Variants in NRG1 observed in about 807,000 individuals in gnomAD.
The protein encoded by NRG1 is neuregulin 1.
NRG1 carries 18 observed loss-of-function variants against 63.8 expected under a neutral mutation model. The ratio of observed to expected loss-of-function variants is 0.28; its 90% CI spans 0.19 to 0.42. NRG1 has a LOEUF of 0.42. Among genes scored for constraint, NRG1 ranks in the 10% least tolerant of loss-of-function variants. NRG1 has a pLI of 1.00. For synonymous variants in NRG1, 302 were observed against 301.3 expected (o/e 1.00, Z -0.02); for missense variants, 762 against 814.7 (o/e 0.94, Z 0.79).
At chr8:31,654,322 G>T (rs1325684247) in intron 1 of NRG1, among the ~76,000 whole-genome samples, 4 of 152,184 alleles carry the variant, frequency 2.6e-5, no homozygotes, top group African/African-American at 7.2e-5. Flanking sequence ...TTCATCCCAG[G>T]TGAATAGAGA....
At chr8:31,727,093 A>G (rs184925353) in intron 1 of NRG1, among the ~76,000 whole-genome samples, 1 of 152,248 alleles carries the variant, frequency 6.6e-6, no homozygotes, top group East Asian at 1.9e-4. Flanking sequence ...TGTTTCTTAA[A>G]CATGTACGGA....
intron 1 of NRG1, among the ~76,000 whole-genome samples, chr8:32,565,442 G>T (rs1256312765): frequency 6.6e-6 from 1 of 152,090 alleles, no homozygotes; most frequent in Admixed American, 6.6e-5. Flanking sequence ...CTAAAAGTAC[G>T]TTGGACCTTC....
intron 1 of NRG1, among the ~76,000 whole-genome samples, chr8:32,573,291 G>A (rs1182422588): frequency 6.6e-6 from 1 of 152,192 alleles, no homozygotes; most frequent in African/African-American, 2.4e-5. Context: ...AAACATTTCT[G>A]TAGAGACCCA....
intron 1 of NRG1, among the ~76,000 whole-genome samples, chr8:31,887,454 T>C (rs1830809412): frequency 6.6e-6 from 1 of 152,120 alleles, no homozygotes; most frequent in African/African-American, 2.4e-5. Flanking sequence ...GGTGTGGATA[T>C]TCTTAGAGTG....
chr8:31,818,042 C>A (rs1490051043), intron 1 of NRG1, among the ~76,000 whole-genome samples: 1 of 151,998 alleles, frequency 6.6e-6, no homozygotes, highest in Non-Finnish European at 1.5e-5. Flanking sequence ...TTTGCTGTTG[C>A]TACTTTTGTG....
chr8:32,105,186 G>A (rs535569316), intron 1 of NRG1, among the ~76,000 whole-genome samples: 1 of 152,214 alleles, frequency 6.6e-6, no homozygotes, highest in South Asian at 2.1e-4. Flanking sequence ...TAACCTTATA[G>A]GTCCACATCA....
At chr8:32,623,209 A>G (rs984651911) in intron 5 of NRG1, among the ~76,000 whole-genome samples, 5 of 152,202 alleles carry the variant, frequency 3.3e-5, no homozygotes, top group African/African-American at 1.2e-4. Flanking sequence ...ACTAATATGT[A>G]TTGATTAGAT....
At chr8:32,337,644 G>C (rs576043468) in intron 1 of NRG1, among the ~76,000 whole-genome samples, 1 of 12,372 alleles carries the variant, frequency 8.1e-5, no homozygotes, top group African/African-American at 2.8e-4. Context: ...GGAACAAAAA[G>C]AGTTATTGCA....
At chr8:32,543,451 T>G (rs1832768713), upstream of NRG1, among the ~76,000 whole-genome samples, 1 of 152,128 alleles carries the variant, frequency 6.6e-6, no homozygotes, top group South Asian at 2.1e-4. Context: ...GGGATGGTAT[T>G]CTTCTTATAA....
chr8:32,731,805 A>G lies in NRG1; in HGVS notation c.632+3727A>G, dbSNP rs1212093935. On this transcript the variant is annotated intron_variant, in intron 6 of 11. Transcript: ENST00000356819. ...GCATTGGCTCATCATGGTCCTGTCT[A>G]TGAAGCCAGTTCATAGTTTCCATAT... Among the ~76,000 whole-genome samples the G allele has an allele frequency of 2.6e-5, 4 of 152,186 alleles. No individual in the cohort carries two copies. In the South Asian group the frequency reaches 8.3e-4, roughly 31 times the overall value.
intron 1 of NRG1, among the ~76,000 whole-genome samples, chr8:32,497,239 G>A (rs756200932): frequency 6.6e-6 from 1 of 152,042 alleles, no homozygotes; most frequent in Non-Finnish European, 1.5e-5. Flanking sequence ...CTGAGGTCAG[G>A]AGTTCGAGAC....
rs78549032 is a variant in NRG1, at chr8:32,610,474, T to C, written c.401-4040T>C. ...AAAATAAAATTAGATCATAAAAGTC[T>C]TCTGCAATGAAACTCATTGTTTAGA... On this transcript the variant is annotated intron_variant, in intron 3 of 11. Transcript: ENST00000356819. Among the ~76,000 whole-genome samples the C allele has an allele frequency of 7.0e-3, 1,061 of 152,302 alleles. 14 individuals are homozygous for C. The highest frequency in any genetic ancestry group is 0.024 in the African/African-American group (991 of 41,594).
intron 1 of NRG1, among the ~76,000 whole-genome samples, chr8:32,062,076 A>T (rs1349530808): frequency 6.6e-6 from 1 of 152,022 alleles, no homozygotes; most frequent in Non-Finnish European, 1.5e-5. Flanking sequence ...CTTTCGAGGC[A>T]TGTCAGTTGG....
intron 1 of NRG1, among the ~76,000 whole-genome samples, chr8:32,549,384 G>T (rs1403580776): frequency 6.6e-6 from 1 of 152,206 alleles, no homozygotes; most frequent in Non-Finnish European, 1.5e-5. Context: ...GTGCGCGCCG[G>T]TTCATCTTGA....
chr8:32,658,847 A>G (rs1362697208), intron 5 of NRG1, among the ~76,000 whole-genome samples: 1 of 152,192 alleles, frequency 6.6e-6, no homozygotes, highest in Non-Finnish European at 1.5e-5. Flanking sequence ...CATTTATATA[A>G]AGGATAAAAT....
chr8:32,679,600 C>T (rs532454234), intron 5 of NRG1, among the ~76,000 whole-genome samples: 20 of 152,320 alleles, frequency 1.3e-4, no homozygotes, highest in African/African-American at 4.1e-4. Context: ...AGATACCACA[C>T]TACTATTCAA....
At chr8:31,956,293 C>T (rs1367910748) in intron 1 of NRG1, among the ~76,000 whole-genome samples, 2 of 151,916 alleles carry the variant, frequency 1.3e-5, no homozygotes, top group African/African-American at 4.8e-5. Flanking sequence ...CACAGGGTGA[C>T]TTTGTAAGTG....
chr8:32,352,779 G>C (rs1399338569), intron 1 of NRG1, among the ~76,000 whole-genome samples: 1 of 152,070 alleles, frequency 6.6e-6, no homozygotes, highest in Non-Finnish European at 1.5e-5. Context: ...TATGCCAGAA[G>C]AGAAGGGAGG....
intron 1 of NRG1, among the ~76,000 whole-genome samples, chr8:32,414,884 C>G (rs966967770): frequency 6.6e-6 from 1 of 152,090 alleles, no homozygotes; most frequent in African/African-American, 2.4e-5. Flanking sequence ...CTAACTCAAA[C>G]CTGGCAGCTG....
Sources: allele counts gnomAD v4.1 joint callset (sites outside exome capture counted in the v4.1 genomes callset), GRCh38; gene constraint gnomAD v4.1.1; transcripts MANE v1.5; gene names NCBI Gene and HGNC (gene_info 2026-07-23, HGNC 2026-07-21).